INSL6: variants seen among roughly 807,000 people sequenced by gnomAD.
The protein encoded by INSL6 is insulin like 6.
INSL6 carries 16 observed loss-of-function variants against 9.4 expected under a neutral mutation model. The observed-to-expected ratio is 1.70, with a 90% confidence interval of 1.15 to 2.59. INSL6 has a LOEUF of 2.59. Among genes scored for constraint, INSL6 ranks in the 30% most tolerant of loss-of-function variants. The pLI, the probability that INSL6 is intolerant of heterozygous loss-of-function variation, is 0.00. For synonymous variants in INSL6, 154 were observed against 96.9 expected (o/e 1.59, Z -3.46); for missense variants, 391 against 257.3 (o/e 1.52, Z -3.56).
At chr9:5,101,382 G>T in the INSL6 span, among the ~76,000 whole-genome samples, 2 of 152,256 alleles carry the variant, frequency 1.3e-5, no homozygotes, top group Non-Finnish European at 1.5e-5. Context: ...GGCCAGGGAA[G>T]CTCGAACTGG....
At chr9:5,033,714 C>T in the INSL6 span, among the ~76,000 whole-genome samples, 134 of 152,314 alleles carry the variant, frequency 8.8e-4, no homozygotes, top group African/African-American at 3.1e-3. Context: ...ACCACCAGGC[C>T]TGCCCTAAAA....
chr9:5,043,224 G>A, the INSL6 span, among the ~76,000 whole-genome samples: 1 of 152,174 alleles, frequency 6.6e-6, no homozygotes, highest in African/African-American at 2.4e-5. Flanking sequence ...GGCGGTGGCC[G>A]TGAGTCTGGT....
At chr9:5,132,541 TTTTC>T (rs1800943591) in intron 3 of INSL6, among the ~76,000 whole-genome samples, 1 of 145,104 alleles carries the variant, frequency 6.9e-6, no homozygotes, top group South Asian at 2.1e-4. Context: ...GTAAAACATT[TTTTC>T]TTTTTCTTAA....
At chr9:5,061,422 A>T in the INSL6 span, among the ~76,000 whole-genome samples, 2 of 152,358 alleles carry the variant, frequency 1.3e-5, no homozygotes, top group East Asian at 3.9e-4. Context: ...CTTCTGGATA[A>T]CTTGCTGTAG....
intron 3 of INSL6, chr9:5,127,025 T>C (rs1824044172): frequency 3.3e-6 from 1 of 303,684 alleles, no homozygotes; most frequent in Non-Finnish European, 6.1e-6. Context: ...AAGAAGTTTC[T>C]TAAACATTGT....
the INSL6 span, among the ~76,000 whole-genome samples, chr9:5,045,271 T>C: frequency 1.3e-5 from 2 of 152,142 alleles, no homozygotes; most frequent in Non-Finnish European, 2.9e-5. Flanking sequence ...GCTAATATTG[T>C]AGGAAACAAG....
chr9:4,993,825 T>G, the INSL6 span, among the ~76,000 whole-genome samples: 1 of 152,236 alleles, frequency 6.6e-6, no homozygotes, highest in Non-Finnish European at 1.5e-5. Context: ...GGCCACTGTT[T>G]GTGTGGAGTT....
At chr9:5,004,186 T>C in the INSL6 span, among the ~76,000 whole-genome samples, 2 of 152,192 alleles carry the variant, frequency 1.3e-5, no homozygotes, top group Non-Finnish European at 2.9e-5. Context: ...ATACGATATA[T>C]TGTTATTGGT....
chr9:5,040,772 C>G, the INSL6 span, among the ~76,000 whole-genome samples: 1 of 152,240 alleles, frequency 6.6e-6, no homozygotes, highest in Non-Finnish European at 1.5e-5. Flanking sequence ...GCGCCTTCCG[C>G]CCTTAACATG....
the INSL6 span, chr9:5,108,308 AATTATT>A: frequency 6.6e-6 from 1 of 151,956 alleles, no homozygotes; most frequent in Non-Finnish European, 1.5e-5. Context: ...TTCCTACCCT[AATTATT>A]ATTATCACCC....
the INSL6 span, chr9:5,114,127 A>C: frequency 8.2e-6 from 3 of 364,950 alleles, no homozygotes; most frequent in Non-Finnish European, 1.6e-5. Context: ...CAGGTCACCT[A>C]TCAAGGTAAC....
At chr9:5,081,894 A>G in the INSL6 span, 1 of 1,556,822 alleles carries the variant, frequency 6.4e-7, no homozygotes, top group South Asian at 1.1e-5. Flanking sequence ...AATAGAGTAT[A>G]ATCATTTCAT....
At chr9:5,123,757 C>T (rs1823788184), downstream of INSL6, among the ~76,000 whole-genome samples, 1 of 151,958 alleles carries the variant, frequency 6.6e-6, no homozygotes, top group Admixed American at 6.6e-5. Context: ...TACAAATGCA[C>T]ATTCTCACCA....
At chr9:5,159,598 G>T (rs1824881828), downstream of INSL6, among the ~76,000 whole-genome samples, 1 of 152,150 alleles carries the variant, frequency 6.6e-6, no homozygotes, top group Admixed American at 6.6e-5. Flanking sequence ...GTAAAAAGAT[G>T]TAACAATTGT....
chr9:4,997,371 G>A, the INSL6 span, among the ~76,000 whole-genome samples: 1 of 152,146 alleles, frequency 6.6e-6, no homozygotes, highest in Non-Finnish European at 1.5e-5. Context: ...GGAGTCCTCC[G>A]GGAGCTTTTA....
chr9:5,051,176 G>C, the INSL6 span, among the ~76,000 whole-genome samples: 1 of 152,258 alleles, frequency 6.6e-6, no homozygotes, highest in East Asian at 1.9e-4. Context: ...ATATGGGTAA[G>C]TTTTATATCT....
chr9:5,057,815 T>C, the INSL6 span, among the ~76,000 whole-genome samples: 1 of 151,962 alleles, frequency 6.6e-6, no homozygotes, highest in Non-Finnish European at 1.5e-5. Flanking sequence ...AGTCCTGACC[T>C]CATGATCCGC....
At chr9:5,119,430 A>G (rs1353373367), downstream of INSL6, among the ~76,000 whole-genome samples, 1 of 147,028 alleles carries the variant, frequency 6.8e-6, no homozygotes, top group African/African-American at 2.5e-5. Flanking sequence ...ATGAAAGCCT[A>G]AAAAAAAAAG....
chr9:5,151,110 T>C (rs1488615227), intron 2 of INSL6, among the ~76,000 whole-genome samples: 1 of 151,956 alleles, frequency 6.6e-6, no homozygotes, highest in Admixed American at 6.6e-5. Context: ...AGGTGGATGA[T>C]GAGAAATTAA....
Sources: gnomAD v4.1 joint callset for allele counts (sites outside exome capture counted in the v4.1 genomes callset) on GRCh38, gnomAD v4.1.1 for gene constraint, MANE v1.5 for transcripts, NCBI Gene and HGNC (gene_info 2026-07-23, HGNC 2026-07-21) for gene names.